The following PIP5K1B variants were observed in gnomAD, a reference collection of about 807,000 sequenced individuals.
PIP5K1B encodes phosphatidylinositol-4-phosphate 5-kinase type 1 beta.
A neutral mutation model predicts 67.0 loss-of-function variants in PIP5K1B; 42 were observed. The ratio of observed to expected loss-of-function variants is 0.63; its 90% confidence interval spans 0.49 to 0.81. The LOEUF is 0.81. Ranked by LOEUF, PIP5K1B falls within the 30% of genes least tolerant of loss-of-function variation. The pLI, the probability that PIP5K1B is intolerant of heterozygous loss-of-function variation, is 0.00. For synonymous variants in PIP5K1B, 214 were observed against 231.4 expected, an observed-to-expected ratio of 0.92 and a Z score of 0.68; for missense variants, 459 against 646.3, an observed-to-expected ratio of 0.71 and a Z score of 3.14.
chr9:68,791,745 T>A (rs1342577141), intron 2 of PIP5K1B, among the ~76,000 whole-genome samples: 2 of 152,250 alleles, frequency 1.3e-5, no homozygotes, highest in Admixed American at 6.5e-5. Flanking sequence ...CCATACTACT[T>A]GCTTTCAGTT....
At chr9:68,866,589 G>C (rs1307987288) in intron 5 of PIP5K1B, among the ~76,000 whole-genome samples, 39 of 152,180 alleles carry the variant, frequency 2.6e-4, no homozygotes, top group Admixed American at 2.5e-3. Flanking sequence ...GATTAAGTTA[G>C]ATTTAAATTG....
intron 4 of PIP5K1B, among the ~76,000 whole-genome samples, chr9:68,836,863 G>GT (rs1248828010): frequency 1.3e-5 from 2 of 152,226 alleles, no homozygotes; most frequent in Non-Finnish European, 2.9e-5. Context: ...AGAGTCCCTA[G>GT]TGGGGACACA....
At chr9:68,863,479 C>T (rs1044823270) in intron 4 of PIP5K1B, among the ~76,000 whole-genome samples, 1 of 152,096 alleles carries the variant, frequency 6.6e-6, no homozygotes, top group African/African-American at 2.4e-5. Context: ...ATTACATCAG[C>T]TTAATTATTG....
At chr9:68,854,027 T>TTTATTATTA (rs67326015) in intron 4 of PIP5K1B, among the ~76,000 whole-genome samples, 24 of 147,946 alleles carry the variant, frequency 1.6e-4, no homozygotes, top group Admixed American at 3.4e-4. Context: ...TATATAAGTT[T>TTTATTATTA]TTATTATTAT....
intron 2 of PIP5K1B, among the ~76,000 whole-genome samples, chr9:68,806,942 GTTTTT>G (rs10550941): frequency 6.1e-5 from 8 of 130,492 alleles, no homozygotes; most frequent in Admixed American, 7.7e-5. Flanking sequence ...TTTGGCCTTG[GTTTTT>G]TTTTTTTTTT....
At chr9:68,911,378 A>G (rs113150764) in intron 8 of PIP5K1B, among the ~76,000 whole-genome samples, 1 of 6,960 alleles carries the variant, frequency 1.4e-4, no homozygotes, top group East Asian at 0.014. Flanking sequence ...CATCTCAAAT[A>G]AAAAAAAAAA....
chr9:68,920,357 G>T lies in PIP5K1B; in HGVS notation c.1116+628G>T, dbSNP rs1286269507. 4.4e-4 allele frequency among the ~76,000 whole-genome samples: 35 copies of T among 79,098 alleles called. 5 individuals are homozygous for T. The highest frequency in any genetic ancestry group is 6.7e-4 in the Admixed American group (4 of 5,982). The allele number at this position is 79,098 out of a possible 152,430, so 51.9% of individuals were successfully genotyped here. ...TTATACATGCTGGCTGCCTGAGGTT[G>T]TCTTTTTTTTTTTTTTTTTTTTTTT... On this transcript the variant is annotated intron_variant, in intron 11 of 15. Transcript: ENST00000265382.
rs1587696783 is a variant in PIP5K1B at position 68,940,684 on chromosome 9, A to C, written c.1396A>C (p.Thr466Pro). 6.2e-7 allele frequency: 1 copy of C among 1,613,948 alleles called. No individual in the cohort carries two copies. Among genetic ancestry groups the C allele is most frequent in the Non-Finnish European group, 8.5e-7 (1 of 1,179,908 alleles). ...SRHRPDLVPS[T>P]PSLFEAASLA... ...ACACAGGCCAGACCTGGTCCCTAGC[A>C]CTCCATCACTGTTTGAAGCTGCTTC... is the stretch of plus-strand genomic sequence containing the variant. The change falls in exon 14 of 16, where the codon ACT becomes CCT. Residue 466 changes from threonine (T) to proline (P), a missense_variant. Coordinates refer to ENST00000265382, the MANE Select transcript of PIP5K1B (RefSeq NM_003558.4).
Position 68,792,730 on chromosome 9 carries a change from C to T in PIP5K1B, c.-85-25731C>T, listed in dbSNP as rs544976517. Among the ~76,000 whole-genome samples the T allele has an allele frequency of 2.3e-3, 356 of 152,260 alleles. 1 individual carries two copies. Among genetic ancestry groups the T allele is most frequent in the African/African-American group, 8.2e-3 (342 of 41,552 alleles). On this transcript the variant is annotated intron_variant, in intron 2 of 15. Coordinates refer to ENST00000265382, the MANE Select transcript of PIP5K1B (RefSeq NM_003558.4). ...TCCTGACCTCGTGATCCGCCCGCCT[C>T]GGCCTCCCAAAGTGCTGGGATTACA...
chr9:68,724,236 GGT>G lies in PIP5K1B; in HGVS notation c.-242-18264_-242-18263del, dbSNP rs774806365. ...GGTCTATGTGTCTGTGTTTTTTTTG[GGT>G]TTTTTTTTTTTTGTTTTTTGTTTTA... On this transcript the variant is annotated intron_variant, in intron 1 of 15. Transcript: ENST00000265382. Among the ~76,000 whole-genome samples, 457 of 69,648 alleles carry G rather than the reference GGT, an allele frequency of 6.6e-3. 2 individuals are homozygous for G. The highest frequency in any genetic ancestry group is 0.024 in the African/African-American group (254 of 10,720). The allele number at this position is 69,648 out of a possible 152,430, so 45.7% of individuals were successfully genotyped here. A position where few individuals can be genotyped will look rare whatever the true frequency, so the allele number is the denominator to read the frequency against.
chr9:68,807,252 T>C (rs1200807833), intron 2 of PIP5K1B, among the ~76,000 whole-genome samples: 1 of 152,194 alleles, frequency 6.6e-6, no homozygotes, highest in Non-Finnish European at 1.5e-5. Context: ...AAGTGGTCAT[T>C]TCATGACTGC....
chr9:68,979,280 A>G (rs138402337), intron 14 of PIP5K1B, among the ~76,000 whole-genome samples: 1 of 152,352 alleles, frequency 6.6e-6, no homozygotes, highest in East Asian at 1.9e-4. Context: ...TCAAATGTAC[A>G]AAATAAATAG....
At chr9:68,918,074 T>C (rs534308776) in intron 9 of PIP5K1B, among the ~76,000 whole-genome samples, 11 of 151,028 alleles carry the variant, frequency 7.3e-5, no homozygotes, top group Non-Finnish European at 1.6e-4. Context: ...TGAATAAACA[T>C]GTTTTATTGT....
At chr9:68,986,256 A>T (rs1195831892) in intron 14 of PIP5K1B, among the ~76,000 whole-genome samples, 1 of 152,042 alleles carries the variant, frequency 6.6e-6, no homozygotes, top group Non-Finnish European at 1.5e-5. Context: ...AACAAGTTTA[A>T]TTTTTCTGAT....
chr9:68,745,354 G>A (rs1003538191), intron 2 of PIP5K1B, among the ~76,000 whole-genome samples: 6 of 152,164 alleles, frequency 3.9e-5, no homozygotes, highest in Admixed American at 1.3e-4. Flanking sequence ...TAGCCACACC[G>A]TAGGTAAGAG....
At chr9:68,867,778 G>C (rs1332632700) in intron 5 of PIP5K1B, among the ~76,000 whole-genome samples, 6 of 152,142 alleles carry the variant, frequency 3.9e-5, no homozygotes, top group African/African-American at 1.2e-4. Context: ...GAAAGGGGTA[G>C]GTGGGCAGGA....
rs149372814 is a variant in PIP5K1B at position 68,987,362 on chromosome 9, A to G, written c.1503-3778A>G. Among the ~76,000 whole-genome samples the G allele has an allele frequency of 9.7e-3, 1,474 of 152,268 alleles. 28 individuals carry two copies. Among genetic ancestry groups the G allele is most frequent in the African/African-American group, 0.033 (1,386 of 41,546 alleles). On this transcript the variant is annotated intron_variant, in intron 14 of 15. Transcript: ENST00000265382. ...GCAGATCATTTGAGGCCAGCAGTTC[A>G]AGACCAGCCTGGCCAACAGTGAAAC...
intron 14 of PIP5K1B, among the ~76,000 whole-genome samples, chr9:68,955,761 T>A (rs1472392496): frequency 6.6e-6 from 1 of 152,204 alleles, no homozygotes; most frequent in Non-Finnish European, 1.5e-5. Flanking sequence ...TATGTAGTAT[T>A]TTACTGTATC....
intron 4 of PIP5K1B, among the ~76,000 whole-genome samples, chr9:68,845,818 G>C (rs1286067948): frequency 2.0e-5 from 3 of 152,174 alleles, no homozygotes; most frequent in African/African-American, 7.2e-5. Context: ...CAACTTGAAA[G>C]TATGCATAAT....
Sources: gnomAD v4.1 joint callset for allele counts (sites outside exome capture counted in the v4.1 genomes callset) on GRCh38, gnomAD v4.1.1 for gene constraint, MANE v1.5 for transcripts, NCBI Gene and HGNC (gene_info 2026-07-23, HGNC 2026-07-21) for gene names.